The following ARHGAP28 variants were observed in gnomAD, a reference collection of about 807,000 sequenced individuals.
ARHGAP28 encodes the protein Rho GTPase activating protein 28.
A neutral mutation model predicts 90.7 loss-of-function variants in ARHGAP28; 56 were observed. The ratio of observed to expected loss-of-function variants is 0.62; its 90% CI spans 0.50 to 0.77. The LOEUF (loss-of-function observed/expected upper bound fraction) is 0.77. ARHGAP28 is among the 30% of genes least tolerant of loss of function. The pLI is 0.00. For missense variants in ARHGAP28, 869 were observed against 900.9 expected (o/e 0.96, Z 0.45); for synonymous variants, 308 against 323.3 (o/e 0.95, Z 0.51).
At chr18:6,733,649 T>C (rs986282010) in intron 1 of ARHGAP28, among the ~76,000 whole-genome samples, 1 of 152,232 alleles carries the variant, frequency 6.6e-6, no homozygotes. Context: ...TGAATTTTAA[T>C]TTGTTTCTTT....
intron 5 of ARHGAP28, among the ~76,000 whole-genome samples, chr18:6,863,343 T>C (rs985476117): frequency 3.3e-5 from 5 of 151,946 alleles, no homozygotes; most frequent in African/African-American, 4.8e-5. Context: ...ATGTAATGTT[T>C]TCCTTCTTTA....
chr18:6,826,404 A>G (rs1322397464), intron 2 of ARHGAP28, among the ~76,000 whole-genome samples: 1 of 150,020 alleles, frequency 6.7e-6, no homozygotes, highest in African/African-American at 2.4e-5. Flanking sequence ...TAGTTTGTGA[A>G]TATTTTCTCC....
chr18:6,833,442 CTCTT>C (rs1222299949), intron 2 of ARHGAP28, among the ~76,000 whole-genome samples: 1 of 151,990 alleles, frequency 6.6e-6, no homozygotes, highest in Non-Finnish European at 1.5e-5. Context: ...TTCTCTCTCT[CTCTT>C]TCTCTCTCTC....
intron 1 of ARHGAP28, among the ~76,000 whole-genome samples, chr18:6,819,030 G>C (rs1032413179): frequency 2.6e-5 from 4 of 152,128 alleles, no homozygotes; most frequent in African/African-American, 9.7e-5. Context: ...GTGCATATAA[G>C]GATCAAATGA....
chr18:6,867,441 A>G (rs906713265), intron 5 of ARHGAP28, among the ~76,000 whole-genome samples: 1 of 152,164 alleles, frequency 6.6e-6, no homozygotes, highest in Non-Finnish European at 1.5e-5. Flanking sequence ...TAAGATTTGC[A>G]TGTAAATTGT....
intron 3 of ARHGAP28, among the ~76,000 whole-genome samples, chr18:6,840,864 A>T (rs1003099859): frequency 6.6e-6 from 1 of 152,198 alleles, no homozygotes; most frequent in African/African-American, 2.4e-5. Context: ...CTGCTTAGAA[A>T]ATTCAGATTG....
intron 1 of ARHGAP28, among the ~76,000 whole-genome samples, chr18:6,774,770 C>T (rs1488750859): frequency 6.6e-6 from 1 of 152,214 alleles, no homozygotes; most frequent in Non-Finnish European, 1.5e-5. Flanking sequence ...GGACAGAGGG[C>T]ACCCACCAGA....
At chr18:6,843,916 T>A (rs1600238856) in intron 3 of ARHGAP28, among the ~76,000 whole-genome samples, 1 of 152,332 alleles carries the variant, frequency 6.6e-6, no homozygotes, top group East Asian at 1.9e-4. Flanking sequence ...ACCTTTGTTT[T>A]AGTTGTATAT....
chr18:6,883,078 A>C (rs2057191751), intron 11 of ARHGAP28, among the ~76,000 whole-genome samples: 1 of 152,122 alleles, frequency 6.6e-6, no homozygotes, highest in African/African-American at 2.4e-5. Context: ...GTAAATGTTG[A>C]TTCTACATGG....
At chr18:6,748,989 A>G (rs1161681053) in intron 1 of ARHGAP28, among the ~76,000 whole-genome samples, 1 of 152,224 alleles carries the variant, frequency 6.6e-6, no homozygotes, top group Non-Finnish European at 1.5e-5. Context: ...ATGTTTATGC[A>G]TGCAATATGT....
chr18:6,785,143 A>G (rs2056355948), intron 1 of ARHGAP28, among the ~76,000 whole-genome samples: 1 of 152,332 alleles, frequency 6.6e-6, no homozygotes, highest in Non-Finnish European at 1.5e-5. Flanking sequence ...TAACTTCGTA[A>G]TTAGGTTCTC....
intron 3 of ARHGAP28, among the ~76,000 whole-genome samples, chr18:6,848,122 A>T (rs980064749): frequency 6.6e-6 from 1 of 152,134 alleles, no homozygotes; most frequent in African/African-American, 2.4e-5. Context: ...TGTTTGCACA[A>T]AGAGTTTAGG....
chr18:6,875,038 A>G (rs2057120241), intron 9 of ARHGAP28: 1 of 152,324 alleles, frequency 6.6e-6, no homozygotes, highest in Non-Finnish European at 1.5e-5. Context: ...ATTGAGTTGA[A>G]ACCAGCATTG....
chr18:6,908,187 G>A (rs886112558), intron 16 of ARHGAP28, among the ~76,000 whole-genome samples: 1 of 151,450 alleles, frequency 6.6e-6, no homozygotes, highest in African/African-American at 2.4e-5. Flanking sequence ...GCCCAGGCTG[G>A]AGTGCAATGG....
intron 2 of ARHGAP28, among the ~76,000 whole-genome samples, chr18:6,834,217 A>T (rs1302638239): frequency 6.6e-6 from 1 of 152,168 alleles, no homozygotes; most frequent in Non-Finnish European, 1.5e-5. Context: ...AGTAGAAGAG[A>T]AAGTAATTAA....
chr18:6,788,218 C>A lies in ARHGAP28; in HGVS notation c.123-36544C>A, dbSNP rs530306562. On this transcript the variant is annotated intron_variant, in intron 1 of 17. Transcript: ENST00000383472. ...TGAGTTCTCGGGAGATCTGGTTGTT[C>A]AAAAGTGTGTAGCACCTCCCTCAGC... is the stretch of plus-strand genomic sequence containing the variant. Among the ~76,000 whole-genome samples the A allele has an allele frequency of 1.2e-4, 19 of 152,094 alleles. No homozygotes were observed. In the East Asian group the frequency reaches 3.7e-3, roughly 30 times the overall value.
chr18:6,734,229 T>C (rs766622048), intron 1 of ARHGAP28, among the ~76,000 whole-genome samples: 1 of 152,174 alleles, frequency 6.6e-6, no homozygotes, highest in Non-Finnish European at 1.5e-5. Context: ...TTGACAAACA[T>C]ACAAAATAAT....
chr18:6,756,543 A>G (rs1035732272), intron 1 of ARHGAP28, among the ~76,000 whole-genome samples: 5 of 152,208 alleles, frequency 3.3e-5, no homozygotes, highest in Admixed American at 6.5e-5. Flanking sequence ...TTACATTGAA[A>G]AAATGTTTGT....
chr18:6,887,354 C>A, intron 12 of ARHGAP28, 115 bp downstream of exon 12: 1 of 857,436 alleles, frequency 1.2e-6, no homozygotes, highest in Non-Finnish European at 1.9e-6. Flanking sequence ...GAGCATGCTG[C>A]AAACACACGG....
Sources: allele counts gnomAD v4.1 joint callset (sites outside exome capture counted in the v4.1 genomes callset), GRCh38; gene constraint gnomAD v4.1.1; transcripts MANE v1.5; gene names NCBI Gene and HGNC (gene_info 2026-07-23, HGNC 2026-07-21).